Variants in HNRNPLL observed in about 807,000 individuals in gnomAD.
The protein encoded by HNRNPLL is heterogeneous nuclear ribonucleoprotein L-like.
HNRNPLL carries 25 observed loss-of-function variants against 67.1 expected under a neutral mutation model. The ratio of observed to expected loss-of-function variants is 0.37; its 90% CI spans 0.27 to 0.52. The LOEUF (loss-of-function observed/expected upper bound fraction) is 0.52. Ranked by LOEUF, HNRNPLL falls within the 20% of genes least tolerant of loss-of-function variation. The pLI is 0.90. For missense variants in HNRNPLL, 542 were observed against 673.9 expected (o/e 0.80, Z 2.17); for synonymous variants, 267 against 241.7 (o/e 1.10, Z -0.97).
At chr2:38,594,556 GT>G (rs1310984335) in intron 1 of HNRNPLL, among the ~76,000 whole-genome samples, 2 of 152,186 alleles carry the variant, frequency 1.3e-5, no homozygotes, top group Non-Finnish European at 2.9e-5. Flanking sequence ...CTGAATCTAA[GT>G]GAAGGATATA....
Position 38,564,020 on chromosome 2 carries a change from G to A in HNRNPLL, c.*162C>T. 1.7e-6 allele frequency: 1 copy of A among 590,536 alleles called. No individual in the cohort carries two copies. The highest frequency in any genetic ancestry group is 2.9e-5 in the East Asian group (1 of 34,188). 36.6% of individuals were successfully genotyped at this position (590,536 alleles called of 1,614,324 possible). On this transcript the variant is annotated 3_prime_UTR_variant, in exon 13 of 13. Coordinates refer to ENST00000449105, the MANE Select transcript of HNRNPLL (RefSeq NM_138394.4). ...AAAATGAAAACAATTCAATATTTAA[G>A]CTTACAACAAATTTACTCAAGGCAA... is the stretch of plus-strand genomic sequence containing the variant.
At position 38,577,334 on chromosome 2, in the gene HNRNPLL, G is replaced by A. The variant is rs145231848; in HGVS notation, c.874+127C>T. 38 of 649,416 alleles carry A rather than the reference G, an allele frequency of 5.9e-5. 2 individuals carry two copies. In the East Asian group the frequency reaches 8.7e-4, roughly 15 times the overall value. The allele number at this position is 649,416 out of a possible 1,614,324, so 40.2% of individuals were successfully genotyped here. A position where few individuals can be genotyped will look rare whatever the true frequency, so the allele number is the denominator to read the frequency against. On this transcript the variant is annotated intron_variant, in intron 7 of 12. Transcript: ENST00000449105. ...CAACTCCTGGGAGTACATTACAAGGGACTGATCCCATATAAACCGAGGCAG... is the reference window on the plus strand; with the variant it reads ...CAACTCCTGGGAGTACATTACAAGGAACTGATCCCATATAAACCGAGGCAG...
In HNRNPLL at chr2:38,573,290, T is replaced by C; in HGVS notation, c.1012A>G (p.Met338Val). 6.2e-7 allele frequency: 1 copy of C among 1,612,250 alleles called. No homozygotes were observed. The highest frequency in any genetic ancestry group is 1.1e-5 in the South Asian group (1 of 90,950). ...HGGNPSGSVV[M>V]VSGLHQLKMN... ...TTTAGTTGATGTAATCCACTAACCATTACAACTGAACCAGAGGGATTTCCT... is the reference window on the plus strand; with the variant it reads ...TTTAGTTGATGTAATCCACTAACCACTACAACTGAACCAGAGGGATTTCCT... Residue 338 changes from methionine to valine, a missense_variant, in exon 8 of 13, where the codon ATG becomes GTG. This residue lies in a region of HNRNPLL where 415 missense variants were observed against 575.2 expected (regional missense o/e 0.72). Coordinates refer to ENST00000449105, the MANE Select transcript of HNRNPLL (RefSeq NM_138394.4).
chr2:38,584,010 A>T, intron 3 of HNRNPLL, 84 bp from the exon 4 acceptor site: 1 of 546,344 alleles, frequency 1.8e-6, no homozygotes, highest in Non-Finnish European at 3.3e-6. Flanking sequence ...TTACCTAAAA[A>T]CTATCAACTG....
chr2:38,564,248 T>TA lies in HNRNPLL; in HGVS notation c.1574-12dup, dbSNP rs772641064. On this transcript the variant is annotated splice_polypyrimidine_tract_variant and intron_variant, in intron 12 of 12. Coordinates refer to ENST00000449105, the MANE Select transcript of HNRNPLL (RefSeq NM_138394.4). ...AGGGATTGGAACCATCTGTAAAAAGTAAAAAACAGTTAATATTTCACTTCA... is the reference window on the plus strand; with the variant it reads ...AGGGATTGGAACCATCTGTAAAAAGTAAAAAAACAGTTAATATTTCACTTCA... 2.7e-6 allele frequency: 4 copies of TA among 1,458,960 alleles called. No homozygotes were observed. The highest frequency in any genetic ancestry group is 3.8e-6 in the Non-Finnish European group (4 of 1,043,022). The allele number at this position is 1,458,960 out of a possible 1,614,324, so 90.4% of individuals were successfully genotyped here. A position where few individuals can be genotyped will look rare whatever the true frequency, so the allele number is the denominator to read the frequency against.
chr2:38,590,586 G>GAA (rs1180097034), intron 2 of HNRNPLL, among the ~76,000 whole-genome samples: 1 of 152,150 alleles, frequency 6.6e-6, no homozygotes, highest in Non-Finnish European at 1.5e-5. Context: ...ATTTTTGGCA[G>GAA]CAGATTCACT....
intron 7 of HNRNPLL, among the ~76,000 whole-genome samples, chr2:38,574,867 T>C (rs1324372127): frequency 1.3e-5 from 2 of 151,904 alleles, no homozygotes; most frequent in East Asian, 3.8e-4. Flanking sequence ...TATTTTAGCC[T>C]CTAATTTAGA....
At chr2:38,570,626 T>G (rs1219510523) in intron 8 of HNRNPLL, among the ~76,000 whole-genome samples, 2 of 152,186 alleles carry the variant, frequency 1.3e-5, no homozygotes, top group East Asian at 3.8e-4. Context: ...TTAGAAGGTA[T>G]GAAGTATGAT....
At chr2:38,570,338 G>A (rs144084855) in intron 8 of HNRNPLL, among the ~76,000 whole-genome samples, 1 of 152,320 alleles carries the variant, frequency 6.6e-6, no homozygotes, top group East Asian at 1.9e-4. Flanking sequence ...GGATTTAATA[G>A]TGAATGTTAA....
chr2:38,590,555 A>G (rs558011171), intron 2 of HNRNPLL, among the ~76,000 whole-genome samples: 5 of 152,338 alleles, frequency 3.3e-5, no homozygotes, highest in African/African-American at 1.2e-4. Context: ...TCCAAAAATA[A>G]TTTAGAATTT....
rs772191876 is a variant in HNRNPLL, at chr2:38,564,141, G to C, written c.*41C>G. On this transcript the variant is annotated 3_prime_UTR_variant, in exon 13 of 13. Transcript: ENST00000449105. ...TTTAATGAAGTGTAGCTTTGAAATT[G>C]TAATAAAGGTGAACATAAATTCTAA... The C allele has an allele frequency of 3.4e-6, 4 of 1,180,286 alleles. No individual in the cohort carries two copies. The South Asian group carries it at 5.0e-5, about 15-fold the overall frequency. The allele number at this position is 1,180,286 out of a possible 1,614,324, so 73.1% of individuals were successfully genotyped here.
Position 38,561,994 on chromosome 2 carries a change from A to G in HNRNPLL, c.*2188T>C, listed in dbSNP as rs111908087. On this transcript the variant is annotated 3_prime_UTR_variant, in exon 13 of 13. Coordinates refer to ENST00000449105, the MANE Select transcript of HNRNPLL (RefSeq NM_138394.4). ...TTCCATAACTCAGTTTGGCAGATTT[A>G]TTATCAAATGTGTAGTAGGATTTGG... is the stretch of plus-strand genomic sequence containing the variant. 1.5e-3 allele frequency: 230 copies of G among 152,322 alleles called. 1 individual carries two copies. The highest frequency in any genetic ancestry group is 5.1e-3 in the African/African-American group (213 of 41,582). The allele number at this position is 152,322 out of a possible 1,614,324, so 9.4% of individuals were successfully genotyped here.
intron 1 of HNRNPLL, among the ~76,000 whole-genome samples, chr2:38,594,705 T>G (rs1248563168): frequency 3.4e-5 from 5 of 148,614 alleles, no homozygotes; most frequent in Non-Finnish European, 6.0e-5. Flanking sequence ...TCCCAGCACT[T>G]TGGGAGGCTG....
chr2:38,588,209 T>C (rs1324325439), intron 2 of HNRNPLL, among the ~76,000 whole-genome samples: 1 of 152,136 alleles, frequency 6.6e-6, no homozygotes, highest in Non-Finnish European at 1.5e-5. Context: ...GTAAATTATT[T>C]ATTGGCCTGT....
intron 4 of HNRNPLL, among the ~76,000 whole-genome samples, chr2:38,583,290 A>G (rs558156807): frequency 1.3e-5 from 2 of 152,346 alleles, no homozygotes; most frequent in African/African-American, 4.8e-5. Context: ...TTTGCTGTAT[A>G]TCCCTACCTT....
At chr2:38,569,659 T>A in intron 9 of HNRNPLL, 145 bp downstream of exon 9, 1 of 537,108 alleles carries the variant, frequency 1.9e-6, no homozygotes, top group Non-Finnish European at 3.2e-6. Flanking sequence ...CTAACTCTTG[T>A]CTAAAATAAC....
At chr2:38,590,897 A>AGGGAGGATAAAAT (rs1369921162) in intron 2 of HNRNPLL, among the ~76,000 whole-genome samples, 30 of 152,214 alleles carry the variant, frequency 2.0e-4, no homozygotes, top group African/African-American at 6.3e-4. Context: ...CCCAGCTATT[A>AGGGAGGATAAAAT]GGGAGGATAA....
intron 1 of HNRNPLL, among the ~76,000 whole-genome samples, chr2:38,593,223 T>G (rs182609895): frequency 6.6e-6 from 1 of 152,332 alleles, no homozygotes; most frequent in Admixed American, 6.5e-5. Flanking sequence ...ATACCCTAAG[T>G]AAATCAACAC....
At position 38,591,595 on chromosome 2, in the gene HNRNPLL, T is replaced by C. The variant is rs200215850; in HGVS notation, c.243A>G (p.Arg81=). ...KVSVSPVVHV[R]GLCESVVEAD... ...CTTCCACCACAGATTCACAGAGTCC[T>C]CGAACATGGACGACGGGTGAAACAG... The change falls in exon 2 of 13, where the codon CGA becomes CGG. Residue 81 remains arginine, a synonymous_variant. Transcript: ENST00000449105. The C allele has an allele frequency of 9.5e-5, 154 of 1,614,022 alleles. No individual in the cohort carries two copies. The highest frequency in any genetic ancestry group is 3.7e-4 in the Admixed American group (22 of 60,026).
Sources: gnomAD v4.1 joint callset for allele counts (sites outside exome capture counted in the v4.1 genomes callset) on GRCh38, gnomAD v4.1.1 for gene constraint, gnomAD v4.1.1 regional missense constraint, MANE v1.5 for transcripts, NCBI Gene and HGNC (gene_info 2026-07-23, HGNC 2026-07-21) for gene names.